C4BPA: variants seen among roughly 807,000 people sequenced by gnomAD.
C4BPA encodes the protein complement component 4 binding protein alpha.
In C4BPA, 31 loss-of-function variants were observed where a neutral mutation model predicts 63.7. The observed-to-expected ratio is 0.49, with a 90% CI of 0.37 to 0.66. The LOEUF is 0.66. Ranked by LOEUF, C4BPA falls within the 30% of genes least tolerant of loss-of-function variation. C4BPA has a pLI of 0.00. For missense variants in C4BPA, 572 were observed against 723.3 expected, an observed-to-expected ratio of 0.79 and a Z score of 2.40; for synonymous variants, 259 against 254.7, an observed-to-expected ratio of 1.02 and a Z score of -0.16.
chr1:207,109,810 T>C (rs1218693058), intron 1 of C4BPA, among the ~76,000 whole-genome samples: 1 of 152,234 alleles, frequency 6.6e-6, no homozygotes, highest in East Asian at 1.9e-4. Context: ...ATATGATGAC[T>C]TCAGTTTAAG....
At chr1:207,139,642 G>T (rs1436063262) in intron 9 of C4BPA, among the ~76,000 whole-genome samples, 1 of 152,174 alleles carries the variant, frequency 6.6e-6, no homozygotes. Flanking sequence ...TGGTCTAATA[G>T]GAGAGCTATA....
chr1:207,144,119 C>G, intron 11 of C4BPA, 126 bp downstream of exon 11: 1 of 673,168 alleles, frequency 1.5e-6, no homozygotes, highest in Non-Finnish European at 2.3e-6. Context: ...GAGCCACTCC[C>G]ACTCAAAGAA....
At chr1:207,116,699 TA>T (rs957877226) in intron 4 of C4BPA, among the ~76,000 whole-genome samples, 52 of 151,948 alleles carry the variant, frequency 3.4e-4, no homozygotes, top group African/African-American at 1.1e-3. Context: ...ATATAAGGTT[TA>T]AAAAAAATCG....
rs1685159093 is a variant in C4BPA, at chr1:207,131,526, T to G, written c.890-20T>G. On this transcript the variant is annotated intron_variant, in intron 7 of 11. Coordinates refer to ENST00000367070, the MANE Select transcript of C4BPA (RefSeq NM_000715.4). ...AGTAATAGCGTCCTTTTGTTCTTCT[T>G]CTTCTTCTTTCATGAGTAGATAGTT... is the stretch of plus-strand genomic sequence containing the variant. 1.9e-6 allele frequency: 3 copies of G among 1,566,680 alleles called. No homozygotes were observed. The African/African-American group carries it at 4.1e-5, about 21-fold the overall frequency.
At chr1:207,120,979 T>G (rs894222217) in intron 4 of C4BPA, among the ~76,000 whole-genome samples, 14 of 152,212 alleles carry the variant, frequency 9.2e-5, no homozygotes, top group African/African-American at 3.4e-4. Flanking sequence ...TGGCTAAAGT[T>G]CAAACTTTTG....
Position 207,112,966 on chromosome 1 carries a change from C to T in C4BPA, c.-25-35C>T. ...TAGTGCTTTATGACAAGTTGGAATTCAATGACTATTTATTAAATTGAGTTC... is the reference window on the plus strand; with the variant it reads ...TAGTGCTTTATGACAAGTTGGAATTTAATGACTATTTATTAAATTGAGTTC... On this transcript the variant is annotated intron_variant, in intron 1 of 11. Transcript: ENST00000367070. The T allele has an allele frequency of 3.3e-6, 5 of 1,513,636 alleles. No homozygotes were observed. In the South Asian group the frequency reaches 6.5e-5, roughly 20 times the overall value. 93.8% of individuals were successfully genotyped at this position (1,513,636 alleles called of 1,614,324 possible).
chr1:207,107,224 C>T (rs752229529), intron 1 of C4BPA, among the ~76,000 whole-genome samples: 1 of 152,136 alleles, frequency 6.6e-6, no homozygotes, highest in Admixed American at 6.5e-5. Context: ...GCATGGGAGA[C>T]ATTAACTGCA....
At chr1:207,124,922 C>T (rs1685002566) in intron 6 of C4BPA, among the ~76,000 whole-genome samples, 1 of 152,108 alleles carries the variant, frequency 6.6e-6, no homozygotes. Context: ...TTGGTCTGTT[C>T]AAGAAGCGGA....
intron 10 of C4BPA, 107 bp downstream of exon 10, chr1:207,141,383 T>C: frequency 1.2e-6 from 1 of 821,264 alleles, no homozygotes; most frequent in Non-Finnish European, 1.9e-6. Context: ...AACATTTGAT[T>C]TGATTTATAT....
intron 1 of C4BPA, among the ~76,000 whole-genome samples, chr1:207,110,457 T>C (rs1203968044): frequency 6.6e-6 from 1 of 152,192 alleles, no homozygotes; most frequent in African/African-American, 2.4e-5. Flanking sequence ...TTGCTGAATT[T>C]ATCAAAGTAT....
intron 4 of C4BPA, among the ~76,000 whole-genome samples, chr1:207,118,723 G>A (rs907103385): frequency 3.3e-5 from 5 of 152,152 alleles, no homozygotes; most frequent in Admixed American, 6.5e-5. Context: ...AATTCTTTCA[G>A]TTGAATTCTC....
In C4BPA at chr1:207,144,871, A is replaced by G; in HGVS notation, c.*154A>G. 2.3e-6 allele frequency: 1 copy of G among 442,346 alleles called. No individual in the cohort carries two copies. The highest frequency in any genetic ancestry group is 6.1e-4 in the Middle Eastern group (1 of 1,636). 27.4% of individuals were successfully genotyped at this position (442,346 alleles called of 1,614,324 possible). On this transcript the variant is annotated 3_prime_UTR_variant, in exon 12 of 12. Coordinates refer to ENST00000367070, the MANE Select transcript of C4BPA (RefSeq NM_000715.4). ...ATTTGCTAAAGTTTAGTGCTTTGAG[A>G]TTGTGAAATTATTAATCATCCTCTG...
chr1:207,118,190 TATC>T (rs1684846669), intron 4 of C4BPA, among the ~76,000 whole-genome samples: 1 of 149,748 alleles, frequency 6.7e-6, no homozygotes, highest in Non-Finnish European at 1.5e-5. Context: ...TCTATCTATC[TATC>T]ATCTATCTAT....
chr1:207,115,286 A>G lies in C4BPA; in HGVS notation c.329-130A>G, dbSNP rs1428095239. 5.3e-6 allele frequency: 3 copies of G among 566,082 alleles called. No homozygotes were observed. The East Asian group carries it at 1.1e-4, about 21-fold the overall frequency. The allele number at this position is 566,082 out of a possible 1,614,324, so 35.1% of individuals were successfully genotyped here. On this transcript the variant is annotated intron_variant, in intron 3 of 11. Coordinates refer to ENST00000367070, the MANE Select transcript of C4BPA (RefSeq NM_000715.4). The stretch of plus-strand genomic sequence containing the variant: ...AATTTTGAGGTGAGTCAGGGTTAGA[A>G]ATAAGTTTGAATCTAAATCTCTCTG...
intron 7 of C4BPA, among the ~76,000 whole-genome samples, chr1:207,130,890 C>G (rs1007145350): frequency 6.6e-6 from 1 of 151,608 alleles, no homozygotes; most frequent in African/African-American, 2.4e-5. Context: ...GATGGTTGCA[C>G]AACTCTGTAT....
intron 4 of C4BPA, among the ~76,000 whole-genome samples, chr1:207,119,107 C>G (rs1324335193): frequency 2.6e-5 from 1 of 37,936 alleles, no homozygotes; most frequent in African/African-American, 5.5e-5. Context: ...TTCACTGCCC[C>G]TTAGCCTTCA....
At chr1:207,132,505 T>G (rs1332332110) in intron 8 of C4BPA, among the ~76,000 whole-genome samples, 2 of 152,202 alleles carry the variant, frequency 1.3e-5, no homozygotes, top group Admixed American at 1.3e-4. Context: ...ATCTGTGAAA[T>G]GCATAAATAA....
intron 8 of C4BPA, 28 bp downstream of exon 8, chr1:207,131,768 T>C: frequency 6.9e-7 from 1 of 1,453,570 alleles, no homozygotes; most frequent in Non-Finnish European, 9.6e-7. Context: ...AATATTTTTG[T>C]ATATTAAATG....
At chr1:207,126,950 C>A in intron 7 of C4BPA, 55 bp downstream of exon 7, 1 of 1,334,914 alleles carries the variant, frequency 7.5e-7, no homozygotes, top group Non-Finnish European at 1.1e-6. Context: ...GTACCCCGTA[C>A]TGTTAATACG....
Sources: gnomAD v4.1 joint callset for allele counts (sites outside exome capture counted in the v4.1 genomes callset) on GRCh38, gnomAD v4.1.1 for gene constraint, MANE v1.5 for transcripts, NCBI Gene and HGNC (gene_info 2026-07-23, HGNC 2026-07-21) for gene names.